Variants in FSTL5 observed in about 807,000 individuals in gnomAD.
FSTL5 encodes follistatin like 5.
In FSTL5, 62 loss-of-function variants were observed where a neutral mutation model predicts 89.1. The ratio of observed to expected loss-of-function variants is 0.70; its 90% CI spans 0.57 to 0.86. The LOEUF (loss-of-function observed/expected upper bound fraction) is 0.86, where lower values mean the gene tolerates loss of function less well. Ranked by LOEUF, FSTL5 falls within the 40% of genes least tolerant of loss-of-function variation. The pLI, the probability that FSTL5 is intolerant of heterozygous loss-of-function variation, is 0.00. For synonymous variants in FSTL5, 383 were observed against 346.2 expected (o/e 1.11, Z -1.18); for missense variants, 1,057 against 1,001.6 (o/e 1.06, Z -0.75).
intron 6 of FSTL5, among the ~76,000 whole-genome samples, chr4:161,679,536 T>C (rs1400587762): frequency 7.2e-5 from 11 of 151,834 alleles, no homozygotes; most frequent in Admixed American, 5.9e-4. Flanking sequence ...TCCTACACTA[T>C]GTTGGCTCTT....
intron 3 of FSTL5, chr4:162,032,508 A>G (rs1045511507): frequency 6.6e-6 from 1 of 152,198 alleles, no homozygotes; most frequent in Non-Finnish European, 1.5e-5. Context: ...GTCTTACATA[A>G]TTCATTTGAA....
chr4:162,090,180 A>G (rs1419994740), intron 2 of FSTL5, among the ~76,000 whole-genome samples: 2 of 152,180 alleles, frequency 1.3e-5, no homozygotes, highest in Non-Finnish European at 2.9e-5. Flanking sequence ...GCACATAGGA[A>G]CAGGCAAAAA....
chr4:161,614,174 A>T (rs1366799439), intron 7 of FSTL5, among the ~76,000 whole-genome samples: 2 of 152,144 alleles, frequency 1.3e-5, no homozygotes, highest in Non-Finnish European at 2.9e-5. Context: ...TCTAATAATT[A>T]TTGTACCTCA....
chr4:161,523,875 T>G (rs1283443253), intron 10 of FSTL5, among the ~76,000 whole-genome samples: 4 of 152,152 alleles, frequency 2.6e-5, no homozygotes, highest in African/African-American at 9.7e-5. Context: ...GGATAAAAAC[T>G]AAATAATTAA....
At chr4:161,585,018 G>A (rs922186891) in intron 8 of FSTL5, among the ~76,000 whole-genome samples, 2 of 152,102 alleles carry the variant, frequency 1.3e-5, no homozygotes, top group African/African-American at 2.4e-5. Flanking sequence ...AAGGCTGATG[G>A]GGAGCACTCT....
chr4:161,843,037 A>G (rs941508229), intron 4 of FSTL5, among the ~76,000 whole-genome samples: 2 of 152,200 alleles, frequency 1.3e-5, no homozygotes, highest in African/African-American at 4.8e-5. Flanking sequence ...CTGTTGCAAT[A>G]TAAGACCTGT....
intron 4 of FSTL5, among the ~76,000 whole-genome samples, chr4:161,828,307 G>A (rs1260620626): frequency 1.3e-5 from 2 of 151,622 alleles, no homozygotes; most frequent in African/African-American, 4.8e-5. Context: ...ACAGTTTTGG[G>A]GCTGTCTCCT....
intron 15 of FSTL5, among the ~76,000 whole-genome samples, chr4:161,418,486 T>C (rs1731865423): frequency 6.6e-6 from 1 of 152,190 alleles, no homozygotes; most frequent in South Asian, 2.1e-4. Flanking sequence ...TCTGCAAATA[T>C]TTATTTCTTG....
At chr4:161,800,841 A>G (rs961658814) in intron 4 of FSTL5, among the ~76,000 whole-genome samples, 1 of 151,578 alleles carries the variant, frequency 6.6e-6, no homozygotes, top group Non-Finnish European at 1.5e-5. Flanking sequence ...TATTTTTATG[A>G]CTTCTTATAG....
Position 161,450,424 on chromosome 4 carries a change from G to A in FSTL5, c.1841+4580C>T, listed in dbSNP as rs79574877. ...ATGCTTTATGAGAATTACTTGTTTT[G>A]AAGTTTAACACAAGCATTTCGAAAA... On this transcript the variant is annotated intron_variant, in intron 15 of 15. Coordinates refer to ENST00000306100, the MANE Select transcript of FSTL5 (RefSeq NM_020116.5). Among the ~76,000 whole-genome samples, 573 of 152,218 alleles carry A rather than the reference G, an allele frequency of 3.8e-3. 4 individuals carry two copies. The highest frequency in any genetic ancestry group is 0.013 in the African/African-American group (524 of 41,540).
In FSTL5 at chr4:161,506,537, T is replaced by C. The variant is rs541154042; in HGVS notation, c.1339+3861A>G. 6.6e-5 allele frequency among the ~76,000 whole-genome samples: 10 copies of C among 152,302 alleles called. No homozygotes were observed. The East Asian group carries it at 1.9e-3, about 29-fold the overall frequency. Reference sequence around the variant, plus strand: ...GGTTGAACCCATCTCCTGAGCAGTATACACTGAACCCAGTTTGTAGTCTTT... The same window carrying C: ...GGTTGAACCCATCTCCTGAGCAGTACACACTGAACCCAGTTTGTAGTCTTT... On this transcript the variant is annotated intron_variant, in intron 11 of 15. Coordinates refer to ENST00000306100, the MANE Select transcript of FSTL5 (RefSeq NM_020116.5).
intron 4 of FSTL5, among the ~76,000 whole-genome samples, chr4:161,864,842 G>C (rs915353216): frequency 6.9e-6 from 1 of 144,764 alleles, no homozygotes; most frequent in African/African-American, 2.6e-5. Context: ...ACTGCACTCC[G>C]GGCTGACGAC....
At chr4:161,618,629 T>C (rs913067304) in intron 7 of FSTL5, among the ~76,000 whole-genome samples, 4 of 152,204 alleles carry the variant, frequency 2.6e-5, no homozygotes, top group South Asian at 2.1e-4. Flanking sequence ...ATTACATTTA[T>C]TGATTTGCAT....
chr4:161,574,069 T>C (rs976000981), intron 8 of FSTL5, among the ~76,000 whole-genome samples: 11 of 152,248 alleles, frequency 7.2e-5, no homozygotes, highest in Admixed American at 7.2e-4. Flanking sequence ...TGCTCTGTTA[T>C]CACATATCCT....
rs1734712699 is a variant in FSTL5, at chr4:161,613,192, C to A, written c.895-25617G>T. 2.0e-5 allele frequency among the ~76,000 whole-genome samples: 3 copies of A among 152,250 alleles called. No individual in the cohort carries two copies. In the South Asian group the frequency reaches 6.2e-4, roughly 32 times the overall value. The stretch of plus-strand genomic sequence containing the variant: ...TAGCAGCCAGGCGCGGTGGTTCACG[C>A]CTGTTATCCCAGCAATTTGGGAGGA... On this transcript the variant is annotated intron_variant, in intron 7 of 15. Transcript: ENST00000306100.
intron 1 of FSTL5, among the ~76,000 whole-genome samples, chr4:162,156,210 CAG>C (rs1355470937): frequency 1.3e-5 from 2 of 152,144 alleles, no homozygotes; most frequent in South Asian, 4.1e-4. Flanking sequence ...TCGCACCAGT[CAG>C]AATGGTTATG....
intron 4 of FSTL5, among the ~76,000 whole-genome samples, chr4:161,885,774 T>G (rs1732788606): frequency 6.6e-6 from 1 of 152,146 alleles, no homozygotes; most frequent in Admixed American, 6.6e-5. Context: ...CATTTTTCTT[T>G]GCTTCTTTCC....
intron 6 of FSTL5, among the ~76,000 whole-genome samples, chr4:161,747,942 A>G (rs568360293): frequency 1.3e-5 from 2 of 152,156 alleles, no homozygotes; most frequent in Non-Finnish European, 2.9e-5. Flanking sequence ...ATTATTTCCA[A>G]ATTTACTAAG....
intron 1 of FSTL5, among the ~76,000 whole-genome samples, chr4:162,116,449 T>TA (rs1731640674): frequency 6.6e-6 from 1 of 152,202 alleles, no homozygotes; most frequent in Non-Finnish European, 1.5e-5. Flanking sequence ...AGGGTTACTA[T>TA]AAGTTAAATC....
Sources: allele counts gnomAD v4.1 joint callset (sites outside exome capture counted in the v4.1 genomes callset), GRCh38; gene constraint gnomAD v4.1.1; transcripts MANE v1.5; gene names NCBI Gene and HGNC (gene_info 2026-07-23, HGNC 2026-07-21).